Variants in NCKAP5 observed in about 807,000 individuals in gnomAD.
NCKAP5 encodes the protein nck-associated protein 5.
In NCKAP5, 92 loss-of-function variants were observed where a neutral mutation model predicts 167.0. The ratio of observed to expected loss-of-function variants is 0.55; its 90% CI spans 0.47 to 0.66. The LOEUF (loss-of-function observed/expected upper bound fraction) is 0.66. NCKAP5 is among the 30% of genes least tolerant of loss of function. The pLI is 0.00. For synonymous variants in NCKAP5, 891 were observed against 877.4 expected (o/e 1.02, Z -0.27); for missense variants, 2,378 against 2,315.0 (o/e 1.03, Z -0.56).
chr2:133,002,981 G>A (rs2077839329), intron 6 of NCKAP5, among the ~76,000 whole-genome samples: 1 of 152,214 alleles, frequency 6.6e-6, no homozygotes, highest in Non-Finnish European at 1.5e-5. Flanking sequence ...ATGCAGCTAA[G>A]ATGCAAGTCC....
At chr2:132,881,795 G>A (rs1307625190) in intron 8 of NCKAP5, among the ~76,000 whole-genome samples, 1 of 152,060 alleles carries the variant, frequency 6.6e-6, no homozygotes, top group East Asian at 1.9e-4. Context: ...TAAAGTTACT[G>A]ATTCTCCTCT....
intron 3 of NCKAP5, among the ~76,000 whole-genome samples, chr2:133,464,554 G>A (rs1263131418): frequency 2.6e-5 from 4 of 152,146 alleles, no homozygotes; most frequent in African/African-American, 9.7e-5. Context: ...GCCGGGTGTG[G>A]TGGCCGGTGC....
chr2:133,475,014 C>T (rs552108758), intron 3 of NCKAP5, among the ~76,000 whole-genome samples: 101 of 152,096 alleles, frequency 6.6e-4, no homozygotes, highest in African/African-American at 2.3e-3. Flanking sequence ...TTTCACCATG[C>T]GGACCAGGCT....
intron 6 of NCKAP5, among the ~76,000 whole-genome samples, chr2:133,083,804 A>G (rs1304458663): frequency 6.6e-6 from 1 of 152,144 alleles, no homozygotes; most frequent in Non-Finnish European, 1.5e-5. Flanking sequence ...AGGTGATCCC[A>G]CTATGTGTCA....
chr2:133,183,779 A>G (rs2084830808), intron 5 of NCKAP5, among the ~76,000 whole-genome samples: 1 of 152,146 alleles, frequency 6.6e-6, no homozygotes, highest in African/African-American at 2.4e-5. Context: ...TTAGGAAGAA[A>G]TAAACTTTCT....
At chr2:132,743,961 T>C (rs1448111966) in intron 16 of NCKAP5, among the ~76,000 whole-genome samples, 1 of 151,746 alleles carries the variant, frequency 6.6e-6, no homozygotes, top group South Asian at 2.1e-4. Context: ...AAATATGTTA[T>C]AGTTATAACA....
At chr2:133,609,151 C>A in the NCKAP5 span, among the ~76,000 whole-genome samples, 18 of 152,306 alleles carry the variant, frequency 1.2e-4, no homozygotes, top group African/African-American at 3.4e-4. Flanking sequence ...ATTGTCCCTA[C>A]CACAGCAGTT....
intron 4 of NCKAP5, among the ~76,000 whole-genome samples, chr2:133,243,245 C>A (rs920378635): frequency 5.3e-5 from 8 of 152,100 alleles, no homozygotes; most frequent in African/African-American, 1.9e-4. Context: ...TAGAGAGAAC[C>A]TTTCCTGTAA....
chr2:133,355,539 C>T (rs530384138), intron 3 of NCKAP5, among the ~76,000 whole-genome samples: 6 of 152,162 alleles, frequency 3.9e-5, no homozygotes, highest in African/African-American at 1.4e-4. Flanking sequence ...TTTGGGTTTG[C>T]ATTCTGAGTT....
chr2:133,517,537 A>T lies in NCKAP5; in HGVS notation c.-11T>A. 1 of 1,507,534 alleles carries T rather than the reference A, an allele frequency of 6.6e-7. No homozygotes were observed. The highest frequency in any genetic ancestry group is 1.3e-5 in the South Asian group (1 of 77,682). The allele number at this position is 1,507,534 out of a possible 1,614,324, so 93.4% of individuals were successfully genotyped here. On this transcript the variant is annotated 5_prime_UTR_variant, in exon 3 of 20. Transcript: ENST00000409261. ...TCTCTTTCCCTCCATGGATGAAGTT[A>T]TTTATTTTCTTTTGTGACTTATAAG...
chr2:132,932,746 A>G (rs1696488620), intron 8 of NCKAP5, among the ~76,000 whole-genome samples: 1 of 152,192 alleles, frequency 6.6e-6, no homozygotes, highest in South Asian at 2.1e-4. Context: ...CTTAAAGAAC[A>G]CATAGAAAAA....
chr2:132,927,444 T>C (rs1160622006), intron 8 of NCKAP5, among the ~76,000 whole-genome samples: 1 of 152,168 alleles, frequency 6.6e-6, no homozygotes, highest in Non-Finnish European at 1.5e-5. Context: ...AATATACAGA[T>C]TGCTTTAGGC....
At chr2:133,117,820 G>A (rs2082129579) in intron 6 of NCKAP5, 1 of 152,160 alleles carries the variant, frequency 6.6e-6, no homozygotes, top group South Asian at 2.1e-4. Flanking sequence ...GATTGACTTC[G>A]TGATTGAGAT....
At chr2:132,682,384 G>A (rs1191552953) in intron 19 of NCKAP5, among the ~76,000 whole-genome samples, 1 of 152,080 alleles carries the variant, frequency 6.6e-6, no homozygotes, top group Non-Finnish European at 1.5e-5. Context: ...ACTTAAATGG[G>A]GAGTCTGCTG....
intron 7 of NCKAP5, 149 bp downstream of exon 7, chr2:132,994,003 T>C: frequency 1.9e-6 from 1 of 537,712 alleles, no homozygotes; most frequent in Non-Finnish European, 3.3e-6. Context: ...CGTGTATGAT[T>C]CCTCAAAACA....
At chr2:132,692,810 G>A (rs996238086) in intron 19 of NCKAP5, among the ~76,000 whole-genome samples, 3 of 151,688 alleles carry the variant, frequency 2.0e-5, no homozygotes, top group Non-Finnish European at 4.4e-5. Flanking sequence ...AGTTGACTGT[G>A]GCCAGTGAGA....
intron 3 of NCKAP5, among the ~76,000 whole-genome samples, chr2:133,311,413 C>T (rs538017209): frequency 6.6e-6 from 1 of 152,212 alleles, no homozygotes; most frequent in Non-Finnish European, 1.5e-5. Context: ...CCTCCAGGAA[C>T]TTCCATGAGT....
At chr2:133,662,374 CCTAA>C in the NCKAP5 span, among the ~76,000 whole-genome samples, 1 of 151,804 alleles carries the variant, frequency 6.6e-6, no homozygotes, top group Admixed American at 6.6e-5. Context: ...GGCCTTTCTC[CCTAA>C]CTCTCTAGAA....
chr2:133,395,460 T>TG (rs1294718614), intron 3 of NCKAP5, among the ~76,000 whole-genome samples: 1 of 152,198 alleles, frequency 6.6e-6, no homozygotes, highest in African/African-American at 2.4e-5. Context: ...GGCCTTAACA[T>TG]GGTTAACGTG....
Sources: allele counts gnomAD v4.1 joint callset (sites outside exome capture counted in the v4.1 genomes callset), GRCh38; gene constraint gnomAD v4.1.1; transcripts MANE v1.5; gene names NCBI Gene and HGNC (gene_info 2026-07-23, HGNC 2026-07-21).